RARB: variants seen among roughly 807,000 people sequenced by gnomAD.
RARB encodes the protein retinoic acid receptor beta.
A neutral mutation model predicts 51.9 loss-of-function variants in RARB; 17 were observed. The ratio of observed to expected loss-of-function variants is 0.33; its 90% CI spans 0.22 to 0.49. RARB has a LOEUF of 0.49. RARB is among the 20% of genes least tolerant of loss of function. RARB has a pLI of 0.99. For synonymous variants in RARB, 215 were observed against 195.4 expected (o/e 1.10, Z -0.84); for missense variants, 369 against 550.8 (o/e 0.67, Z 3.30).
intron 3 of RARB, among the ~76,000 whole-genome samples, chr3:25,082,814 TATTA>T (rs1183824473): frequency 2.6e-5 from 4 of 152,126 alleles, no homozygotes; most frequent in Non-Finnish European, 5.9e-5. Flanking sequence ...ATTATTAGAA[TATTA>T]ATTCTAATAT....
At chr3:25,595,227 GAGTGTTTAAC>G (rs758366524) in intron 7 of RARB, among the ~76,000 whole-genome samples, 1 of 152,196 alleles carries the variant, frequency 6.6e-6, no homozygotes, top group Non-Finnish European at 1.5e-5. Flanking sequence ...TATCACAGTT[GAGTGTTTAAC>G]AGTAAGGTTT....
intron 5 of RARB, among the ~76,000 whole-genome samples, chr3:25,313,933 T>G (rs1326428556): frequency 6.6e-6 from 1 of 152,056 alleles, no homozygotes; most frequent in African/African-American, 2.4e-5. Context: ...TAGCTAGGTG[T>G]GATGGTATGC....
chr3:25,163,987 A>C (rs1385778533), intron 4 of RARB, among the ~76,000 whole-genome samples: 1 of 152,104 alleles, frequency 6.6e-6, no homozygotes, highest in Non-Finnish European at 1.5e-5. Flanking sequence ...TTCCTCTCCA[A>C]AGAGCTTGGT....
intron 5 of RARB, among the ~76,000 whole-genome samples, chr3:25,257,216 A>G (rs1702887676): frequency 6.6e-6 from 1 of 152,084 alleles, no homozygotes; most frequent in Non-Finnish European, 1.5e-5. Context: ...AATGCAGATC[A>G]AAGATTGTGC....
At chr3:25,116,633 T>C (rs73047774) in intron 3 of RARB, among the ~76,000 whole-genome samples, 2,477 of 152,080 alleles carry the variant, frequency 0.016, 30 homozygotes, top group African/African-American at 0.037. Flanking sequence ...TAGCTTGCAT[T>C]ACACTGGCTA....
chr3:25,158,637 A>C (rs2125345183), intron 4 of RARB, among the ~76,000 whole-genome samples: 1 of 152,344 alleles, frequency 6.6e-6, no homozygotes, highest in Non-Finnish European at 1.5e-5. Context: ...CAAAAATTGA[A>C]GTACAAATAT....
chr3:25,054,338 G>T (rs1465686584), intron 2 of RARB, among the ~76,000 whole-genome samples: 1 of 152,140 alleles, frequency 6.6e-6, no homozygotes, highest in Non-Finnish European at 1.5e-5. Flanking sequence ...TTGTGTACTA[G>T]TTGGGGGAGC....
At chr3:25,000,685 T>C (rs776261170) in intron 2 of RARB, among the ~76,000 whole-genome samples, 1 of 152,172 alleles carries the variant, frequency 6.6e-6, no homozygotes, top group Non-Finnish European at 1.5e-5. Context: ...CTCAGTGCTT[T>C]CTTTCATTCA....
chr3:25,461,275 C>G lies in RARB; in HGVS notation c.240C>G (p.Pro80=). The G allele has an allele frequency of 6.2e-7, 1 of 1,614,066 alleles. No individual in the cohort carries two copies. Among genetic ancestry groups the G allele is most frequent in the Non-Finnish European group, 8.5e-7 (1 of 1,180,008 alleles). ...TTCCTCCCCCTCGAGTGTACAAACCCTGCTTCGTCTGCCAGGACAAATCAT... is the reference window on the plus strand; with the variant it reads ...TTCCTCCCCCTCGAGTGTACAAACCGTGCTTCGTCTGCCAGGACAAATCAT... ...SPLPPPRVYK[P]CFVCQDKSSG... Residue 80 remains proline (P), a synonymous_variant, in exon 2 of 8, where the codon CCC becomes CCG. Coordinates refer to ENST00000330688, the MANE Select transcript of RARB (RefSeq NM_000965.5).
intron 3 of RARB, among the ~76,000 whole-genome samples, chr3:25,568,654 G>A (rs920386446): frequency 2.0e-4 from 31 of 152,288 alleles, no homozygotes; most frequent in Non-Finnish European, 3.7e-4. Context: ...CAAATCACCC[G>A]TGTGCTCTTA....
chr3:25,001,897 C>G (rs1342758313), intron 2 of RARB, among the ~76,000 whole-genome samples: 1 of 152,084 alleles, frequency 6.6e-6, no homozygotes, highest in Non-Finnish European at 1.5e-5. Flanking sequence ...CCCATTTCGG[C>G]CTCCCAAGTA....
chr3:25,108,925 G>C (rs1045979464), intron 3 of RARB, among the ~76,000 whole-genome samples: 1 of 152,122 alleles, frequency 6.6e-6, no homozygotes, highest in Admixed American at 6.5e-5. Flanking sequence ...TGGGTACTCT[G>C]TATAAAATTA....
In RARB at chr3:24,947,983, T is replaced by C. The variant is rs562386949; in HGVS notation, c.-380+89231T>C. 8.5e-5 allele frequency among the ~76,000 whole-genome samples: 13 copies of C among 152,136 alleles called. 1 individual carries two copies. Among genetic ancestry groups the C allele is most frequent in the Non-Finnish European group, 1.9e-4 (13 of 68,032 alleles). On this transcript the variant is annotated intron_variant, in intron 2 of 11. Transcript: ENST00000383772. ...AGGAAGTGGCTATGTAAAGAACATA[T>C]GTAGCTCTATGAGCTCTCTTTGCTC...
chr3:25,268,501 C>A (rs76290870), intron 5 of RARB, among the ~76,000 whole-genome samples: 1 of 152,140 alleles, frequency 6.6e-6, no homozygotes. Context: ...CCCTGGTCCT[C>A]ACCAGAGTTT....
chr3:25,460,648 A>G (rs948448116), intron 1 of RARB, among the ~76,000 whole-genome samples: 4 of 151,892 alleles, frequency 2.6e-5, no homozygotes, highest in Non-Finnish European at 5.9e-5. Context: ...GGGTTTCACC[A>G]TGCTGGCCAG....
At chr3:24,837,979 C>G (rs1008878303) in intron 1 of RARB, among the ~76,000 whole-genome samples, 4 of 152,200 alleles carry the variant, frequency 2.6e-5, no homozygotes, top group Non-Finnish European at 5.9e-5. Context: ...GGCCAAAAAT[C>G]AAGGCATCAG....
At chr3:25,148,316 T>C (rs956796411) in intron 4 of RARB, among the ~76,000 whole-genome samples, 49 of 152,216 alleles carry the variant, frequency 3.2e-4, no homozygotes, top group African/African-American at 1.2e-3. Context: ...GCAGACATTT[T>C]TAAAGAACAT....
chr3:25,593,946 AG>A (rs1012245898), intron 6 of RARB, among the ~76,000 whole-genome samples: 3 of 152,172 alleles, frequency 2.0e-5, no homozygotes, highest in African/African-American at 7.2e-5. Context: ...CAATTGCCAC[AG>A]ATTTTTTTTC....
chr3:25,266,221 A>G (rs923140248), intron 5 of RARB, among the ~76,000 whole-genome samples: 4 of 152,198 alleles, frequency 2.6e-5, no homozygotes, highest in African/African-American at 9.6e-5. Context: ...GCCTAACACA[A>G]TATTAGGCTT....
Sources: gnomAD v4.1 joint callset for allele counts (sites outside exome capture counted in the v4.1 genomes callset) on GRCh38, gnomAD v4.1.1 for gene constraint, MANE v1.5 for transcripts, NCBI Gene and HGNC (gene_info 2026-07-23, HGNC 2026-07-21) for gene names.